GRIK1: variants seen among roughly 807,000 people sequenced by gnomAD.
GRIK1 encodes glutamate ionotropic receptor kainate type subunit 1.
Under a neutral mutation model 105.7 loss-of-function variants are expected in GRIK1, and 69 were observed. The ratio of observed to expected loss-of-function variants is 0.65; its 90% CI spans 0.54 to 0.80. The LOEUF (loss-of-function observed/expected upper bound fraction) is 0.80, where lower values mean the gene tolerates loss of function less well. Ranked by LOEUF, GRIK1 falls within the 30% of genes least tolerant of loss-of-function variation. The pLI, the probability that GRIK1 is intolerant of heterozygous loss-of-function variation, is 0.00. For synonymous variants in GRIK1, 438 were observed against 431.3 expected, an observed-to-expected ratio of 1.02 and a Z score of -0.19; for missense variants, 1,109 against 1,167.3, an observed-to-expected ratio of 0.95 and a Z score of 0.73.
intron 1 of GRIK1, among the ~76,000 whole-genome samples, chr21:29,725,195 C>A (rs1441497399): frequency 1.3e-5 from 2 of 152,120 alleles, no homozygotes; most frequent in African/African-American, 4.8e-5. Context: ...TAAGAAATAA[C>A]CAAAACCATA....
intron 1 of GRIK1, among the ~76,000 whole-genome samples, chr21:29,848,387 A>C (rs2068193621): frequency 6.6e-6 from 1 of 151,998 alleles, no homozygotes; most frequent in Non-Finnish European, 1.5e-5. Flanking sequence ...ATGTTTTCCA[A>C]CCTGTGCTTC....
Position 29,607,400 on chromosome 21 carries a change from A to T in GRIK1, c.1099-8463T>A, listed in dbSNP as rs74926733. On this transcript the variant is annotated intron_variant, in intron 7 of 17. Transcript: ENST00000327783. Reference sequence around the variant, plus strand: ...CAATAGCTGCCTATCTCTGGAAATTAAAAAAAAAAAAAAGCCTTTTCACCT... The same window carrying T: ...CAATAGCTGCCTATCTCTGGAAATTTAAAAAAAAAAAAAGCCTTTTCACCT... Among the ~76,000 whole-genome samples, 429 of 124,300 alleles carry T rather than the reference A, an allele frequency of 3.5e-3. 2 individuals are homozygous for T. The highest frequency in any genetic ancestry group is 0.013 in the African/African-American group (398 of 29,706). 81.5% of individuals were successfully genotyped at this position (124,300 alleles called of 152,430 possible). A position where few individuals can be genotyped will look rare whatever the true frequency, so the allele number is the denominator to read the frequency against.
chr21:29,706,242 T>C (rs902993937), intron 1 of GRIK1, among the ~76,000 whole-genome samples: 6 of 152,246 alleles, frequency 3.9e-5, no homozygotes, highest in African/African-American at 1.4e-4. Context: ...TGTTTCAGCA[T>C]TTGAAAATTT....
In GRIK1 at chr21:29,695,476, C is replaced by CTATCTATCATCTATA. The variant is rs201600727; in HGVS notation, c.119-1414_119-1413insTATAGATGATAGATA. On this transcript the variant is annotated intron_variant, in intron 1 of 17. Coordinates refer to ENST00000327783, the MANE Select transcript of GRIK1 (RefSeq NM_001330994.2). ...TCTATCTATCTATCTATCTATCTAT[C>CTATCTATCATCTATA]TATATATATATATTTTGAGATGGAG... Among the ~76,000 whole-genome samples, 6 of 140,026 alleles carry CTATCTATCATCTATA rather than the reference C, an allele frequency of 4.3e-5. No individual in the cohort carries two copies. In the East Asian group the frequency reaches 1.4e-3, roughly 32 times the overall value. The allele number at this position is 140,026 out of a possible 152,430, so 91.9% of individuals were successfully genotyped here.
At chr21:29,563,581 T>G (rs1353763650) in intron 14 of GRIK1, among the ~76,000 whole-genome samples, 2 of 152,192 alleles carry the variant, frequency 1.3e-5, no homozygotes, top group Non-Finnish European at 2.9e-5. Flanking sequence ...CTGCTTCATT[T>G]GTTGTGTGAT....
intron 14 of GRIK1, 77 bp downstream of exon 14, chr21:29,576,885 CTT>C (rs879103483): frequency 1.4e-6 from 1 of 714,884 alleles, no homozygotes; most frequent in Non-Finnish European, 2.2e-6. Context: ...TTTTCTTTTT[CTT>C]TTTTTTTTCG....
intron 7 of GRIK1, among the ~76,000 whole-genome samples, chr21:29,600,972 T>G (rs1360557619): frequency 1.3e-5 from 2 of 152,238 alleles, no homozygotes; most frequent in Non-Finnish European, 2.9e-5. Flanking sequence ...AGTCTAAACC[T>G]TGACTTTACG....
chr21:29,579,088 T>A (rs942394450), intron 13 of GRIK1, among the ~76,000 whole-genome samples: 7 of 152,200 alleles, frequency 4.6e-5, no homozygotes, highest in Non-Finnish European at 7.4e-5. Context: ...GCTGTTGACA[T>A]GTAATAATAC....
At chr21:29,768,623 G>C (rs2065734699) in intron 1 of GRIK1, among the ~76,000 whole-genome samples, 1 of 152,192 alleles carries the variant, frequency 6.6e-6, no homozygotes, top group African/African-American at 2.4e-5. Context: ...CCGCCTCTGG[G>C]TTGCATGGGC....
At chr21:29,610,130 C>G (rs969916247) in intron 7 of GRIK1, among the ~76,000 whole-genome samples, 3 of 152,124 alleles carry the variant, frequency 2.0e-5, no homozygotes, top group African/African-American at 7.2e-5. Context: ...TTCTAGTAGA[C>G]CAGGAAATCT....
chr21:29,856,074 T>C (rs1320122984), intron 1 of GRIK1, among the ~76,000 whole-genome samples: 6 of 152,058 alleles, frequency 3.9e-5, no homozygotes, highest in Non-Finnish European at 8.8e-5. Context: ...TCCTTGAATA[T>C]ATGTCTAGAT....
chr21:29,885,252 T>C (rs1423492269), intron 1 of GRIK1, among the ~76,000 whole-genome samples: 1 of 152,002 alleles, frequency 6.6e-6, no homozygotes, highest in Non-Finnish European at 1.5e-5. Context: ...CAATGGACGT[T>C]GTATGGTTAA....
At chr21:29,782,086 CTTT>C (rs35928677) in intron 1 of GRIK1, among the ~76,000 whole-genome samples, 2 of 136,954 alleles carry the variant, frequency 1.5e-5, no homozygotes, top group African/African-American at 2.7e-5. Flanking sequence ...ACTGCAACAC[CTTT>C]TTTTTTTTTT....
At chr21:29,745,332 T>C (rs1186841959) in intron 1 of GRIK1, among the ~76,000 whole-genome samples, 1 of 152,172 alleles carries the variant, frequency 6.6e-6, no homozygotes, top group African/African-American at 2.4e-5. Context: ...ACTTTACTCT[T>C]GTGTATGATT....
At chr21:29,860,322 A>G (rs547498355) in intron 1 of GRIK1, among the ~76,000 whole-genome samples, 3 of 152,378 alleles carry the variant, frequency 2.0e-5, no homozygotes, top group Admixed American at 1.3e-4. Flanking sequence ...GGGGAGTGAC[A>G]GCATAATTGG....
chr21:29,842,447 A>G (rs567311709), intron 1 of GRIK1, among the ~76,000 whole-genome samples: 1 of 152,324 alleles, frequency 6.6e-6, no homozygotes, highest in African/African-American at 2.4e-5. Flanking sequence ...AGCACACTTC[A>G]AATTCTGAAG....
rs1346484255 is a variant in GRIK1 at position 29,922,973 on chromosome 21, CTTT to C, written c.118+16407_118+16409del. On this transcript the variant is annotated intron_variant, in intron 1 of 17. Transcript: ENST00000327783. ...TAGCTAGAAAGCAATCACCCTTCTT[CTTT>C]CTTTTTATTTGACCCGAAAGGACTT... Among the ~76,000 whole-genome samples, 3 of 152,150 alleles carry C rather than the reference CTTT, an allele frequency of 2.0e-5. No homozygotes were observed. The East Asian group carries it at 5.8e-4, about 29-fold the overall frequency.
chr21:29,674,042 C>T (rs2063212008), intron 3 of GRIK1, among the ~76,000 whole-genome samples: 1 of 151,412 alleles, frequency 6.6e-6, no homozygotes, highest in South Asian at 2.1e-4. Context: ...TCAAGAACTT[C>T]CATCATACGG....
Position 29,682,698 on chromosome 21 carries a change from A to T in GRIK1, c.544+7030T>A, listed in dbSNP as rs186261691. 4.6e-5 allele frequency among the ~76,000 whole-genome samples: 7 copies of T among 152,358 alleles called. No homozygotes were observed. The East Asian group carries it at 1.3e-3, about 29-fold the overall frequency. On this transcript the variant is annotated intron_variant, in intron 3 of 17. Coordinates refer to ENST00000327783, the MANE Select transcript of GRIK1 (RefSeq NM_001330994.2). Reference sequence around the variant, plus strand: ...AAAATTTTGGAAGAAAACCTAAGGAATACCAGTCTGTACATTGTTTTTGGT... The same window carrying T: ...AAAATTTTGGAAGAAAACCTAAGGATTACCAGTCTGTACATTGTTTTTGGT...
Sources: allele counts gnomAD v4.1 joint callset (sites outside exome capture counted in the v4.1 genomes callset), GRCh38; gene constraint gnomAD v4.1.1; transcripts MANE v1.5; gene names NCBI Gene and HGNC (gene_info 2026-07-23, HGNC 2026-07-21).